Variants in SPTA1 observed in about 807,000 individuals in gnomAD.
SPTA1 encodes spectrin alpha, erythrocytic 1, also known as spectrin alpha chain, erythrocytic 1.
A neutral mutation model predicts 324.7 loss-of-function variants in SPTA1; 177 were observed. That is an observed-to-expected ratio of 0.55 (90% CI 0.48 to 0.62). SPTA1 has a LOEUF of 0.62. SPTA1 is among the 20% of genes least tolerant of loss of function. The probability of loss-of-function intolerance (pLI) is 0.00; values close to 1 mark genes in which losing one functional copy is unlikely to be tolerated. For missense variants in SPTA1, 3,162 were observed against 2,883.6 expected, an observed-to-expected ratio of 1.10 and a Z score of -2.21; for synonymous variants, 1,195 against 1,041.3, an observed-to-expected ratio of 1.15 and a Z score of -2.84.
Position 158,683,410 on chromosome 1 carries a change from T to C in SPTA1, c.351A>G (p.Glu117=), listed in dbSNP as rs765100489. The C allele has an allele frequency of 6.2e-7, 1 of 1,613,434 alleles. No individual in the cohort carries two copies. Among genetic ancestry groups the C allele is most frequent in the East Asian group, 2.2e-5 (1 of 44,862 alleles). The change falls in exon 3 of 52, where the codon GAA becomes GAG. Residue 117 remains glutamate, a synonymous_variant. Coordinates refer to ENST00000643759, the MANE Select transcript of SPTA1 (RefSeq NM_003126.4). Reference sequence around the variant, plus strand: ...GGGCAGAATGACCCATGGTAAATCGTTCTTCCCTTGTTTTTTCCAGTTCAG... The same window carrying C: ...GGGCAGAATGACCCATGGTAAATCGCTCTTCCCTTGTTTTTTCCAGTTCAG... ...LMSELEKTRE[E]RFTMGHSAHE... is the part of the protein sequence containing the mutation.
At position 158,619,758 on chromosome 1, in the gene SPTA1, T is replaced by C. The variant is rs1050064863; in HGVS notation, c.6417+412A>G. Among the ~76,000 whole-genome samples the C allele has an allele frequency of 4.6e-5, 7 of 152,310 alleles. No homozygotes were observed. In the East Asian group the frequency reaches 1.2e-3, roughly 25 times the overall value. On this transcript the variant is annotated intron_variant, in intron 44 of 51. Transcript: ENST00000643759. ...TTTTTATGTTTCATAGTTTCAATAA[T>C]GAACATTATTAACACAGACAAAAGC...
intron 8 of SPTA1, 100 bp from the exon 9 acceptor site, chr1:158,674,775 C>T: frequency 2.0e-6 from 3 of 1,463,858 alleles, no homozygotes; most frequent in Middle Eastern, 2.2e-4. Flanking sequence ...GTGTGAGATG[C>T]TCCTTACTCT....
chr1:158,663,944 A>C (rs1653421959), intron 16 of SPTA1, among the ~76,000 whole-genome samples: 1 of 152,238 alleles, frequency 6.6e-6, no homozygotes, highest in East Asian at 1.9e-4. Context: ...TTCAGTGCTC[A>C]ATCTATAAAG....
chr1:158,648,369 T>G, intron 26 of SPTA1, 140 bp downstream of exon 26: 2 of 1,260,504 alleles, frequency 1.6e-6, no homozygotes, highest in Non-Finnish European at 2.3e-6. Flanking sequence ...TTAGGGACAG[T>G]GTACAAGAAT....
At chr1:158,626,074 A>C (rs1650246346) in intron 42 of SPTA1, 72 bp downstream of exon 42, 2 of 1,405,116 alleles carry the variant, frequency 1.4e-6, no homozygotes, top group Non-Finnish European at 2.0e-6. Context: ...AAAATTCAGA[A>C]ATAAATAATC....
At chr1:158,683,349 C>A (rs1417804148) in intron 3 of SPTA1, 22 bp downstream of exon 3, 2 of 1,612,866 alleles carry the variant, frequency 1.2e-6, no homozygotes, top group Non-Finnish European at 1.7e-6. Flanking sequence ...TTGGAAACTT[C>A]TTCAAGGGCC....
chr1:158,679,779 T>C (rs1654665081), intron 5 of SPTA1, among the ~76,000 whole-genome samples: 1 of 152,062 alleles, frequency 6.6e-6, no homozygotes, highest in Admixed American at 6.6e-5. Flanking sequence ...TAGACAGTAA[T>C]AGATAAATGA....
Position 158,643,395 on chromosome 1 carries a change from C to G in SPTA1, c.4369G>C (p.Ala1457Pro), listed in dbSNP as rs1208509993. ...EGKITDLEHF[A>P]ESLIADEHYA... Reference sequence around the variant, plus strand: ...TGTTCATCAGCAATGAGGCTCTCAGCAAAATGTTCTAGGTCAGTGATCTTC... The same window carrying G: ...TGTTCATCAGCAATGAGGCTCTCAGGAAAATGTTCTAGGTCAGTGATCTTC... Residue 1457 changes from alanine (A) to proline (P), a missense_variant, in exon 31 of 52, where the codon GCT (alanine) becomes CCT (proline). Ala to Pro is a conservative substitution (Grantham distance 27). Transcript: ENST00000643759. 1 of 1,613,784 alleles carries G rather than the reference C, an allele frequency of 6.2e-7. No individual in the cohort carries two copies. The highest frequency in any genetic ancestry group is 8.5e-7 in the Non-Finnish European group (1 of 1,179,882).
intron 42 of SPTA1, among the ~76,000 whole-genome samples, chr1:158,623,581 G>A (rs1037051725): frequency 2.6e-5 from 4 of 152,070 alleles, no homozygotes; most frequent in Non-Finnish European, 5.9e-5. Context: ...AAGATCTGAT[G>A]GTTTTATAAG....
chr1:158,617,920 T>C, intron 46 of SPTA1, 119 bp downstream of exon 46: 1 of 1,021,078 alleles, frequency 9.8e-7, no homozygotes, highest in Non-Finnish European at 1.5e-6. Context: ...ACTCCACATT[T>C]TTATTTACAT....
At chr1:158,612,780 G>A (rs774941194) in intron 51 of SPTA1, 37 bp downstream of exon 51, 2 of 1,612,622 alleles carry the variant, frequency 1.2e-6, no homozygotes, top group African/African-American at 2.7e-5. Context: ...TTCAAATTAG[G>A]ATGACAGTGT....
chr1:158,662,866 C>T lies in SPTA1; in HGVS notation c.2300G>A (p.Arg767Lys), dbSNP rs372508159. 10 of 1,614,122 alleles carry T rather than the reference C, an allele frequency of 6.2e-6. No individual in the cohort carries two copies. In the East Asian group the frequency reaches 8.9e-5, roughly 14 times the overall value. ...AAATCGGCATACCAAGGACTCTTGC[C>T]TTGCCCTTATATCCTTAGAATCAGG... ...GHPDSKDIRA[R>K]QESLVCRFEA... Residue 767 changes from arginine to lysine, a missense_variant, in exon 17 of 52, where the codon AGG becomes AAG. Physicochemically the swap from Arg to Lys is conservative, Grantham distance 26. Coordinates refer to ENST00000643759, the MANE Select transcript of SPTA1 (RefSeq NM_003126.4).
At position 158,647,485 on chromosome 1, in the gene SPTA1, C is replaced by T. The variant is rs1652081955; in HGVS notation, c.3896+54G>A. ...GTGAACAGCATCTGTACCCAGACTG[C>T]TCCCAGACAGTCTACTTAGAGGCCA... On this transcript the variant is annotated intron_variant, in intron 27 of 51. Coordinates refer to ENST00000643759, the MANE Select transcript of SPTA1 (RefSeq NM_003126.4). 9 of 1,600,732 alleles carry T rather than the reference C, an allele frequency of 5.6e-6. No homozygotes were observed. In the Admixed American group the frequency reaches 1.2e-4, roughly 21 times the overall value.
chr1:158,633,086 T>C (rs72700511), intron 39 of SPTA1, among the ~76,000 whole-genome samples: 38,616 of 152,124 alleles, frequency 0.25, 5,127 homozygotes, highest in Middle Eastern at 0.33. Flanking sequence ...TTACATACTA[T>C]ATGATTTCAT....
intron 47 of SPTA1, among the ~76,000 whole-genome samples, chr1:158,615,823 T>C (rs1649522901): frequency 1.3e-5 from 2 of 152,214 alleles, no homozygotes; most frequent in Non-Finnish European, 2.9e-5. Flanking sequence ...CACTGGGACT[T>C]ATCTGCAACA....
Position 158,685,186 on chromosome 1 carries a change from T to G in SPTA1, c.186A>C (p.Ala62=). Residue 62 remains alanine, a synonymous_variant, in exon 2 of 52, where the codon GCA becomes GCC. Transcript: ENST00000643759. ...CCATGATCCACTTCCCCAGATCATC[T>G]GCATCTCGCTTGAAAACTTGTAAGT... ...SYHLQVFKRD[A]DDLGKWIMEK... is the part of the protein sequence containing the mutation. 6.2e-7 allele frequency: 1 copy of G among 1,613,792 alleles called. No homozygotes were observed. Among genetic ancestry groups the G allele is most frequent in the Non-Finnish European group, 8.5e-7 (1 of 1,179,850 alleles).
intron 39 of SPTA1, among the ~76,000 whole-genome samples, chr1:158,632,323 A>G (rs942825627): frequency 6.6e-6 from 1 of 152,198 alleles, no homozygotes; most frequent in Non-Finnish European, 1.5e-5. Context: ...CATAAATTAC[A>G]GTCAAGCAAG....
At chr1:158,649,175 T>C (rs1294994948) in intron 25 of SPTA1, among the ~76,000 whole-genome samples, 1 of 152,226 alleles carries the variant, frequency 6.6e-6, no homozygotes, top group Non-Finnish European at 1.5e-5. Context: ...AAGAAAAATG[T>C]TGAATGAGCT....
intron 24 of SPTA1, among the ~76,000 whole-genome samples, chr1:158,651,117 T>C (rs969731188): frequency 6.6e-6 from 1 of 152,218 alleles, no homozygotes; most frequent in Non-Finnish European, 1.5e-5. Context: ...AAATGACATA[T>C]GTGAGGGCAT....
Sources: allele counts gnomAD v4.1 joint callset (sites outside exome capture counted in the v4.1 genomes callset), GRCh38; gene constraint gnomAD v4.1.1; transcripts MANE v1.5; gene names NCBI Gene and HGNC (gene_info 2026-07-23, HGNC 2026-07-21).